Variants in ALPK1 observed in about 807,000 individuals in gnomAD.
The protein encoded by ALPK1 is alpha kinase 1.
A neutral mutation model predicts 120.6 loss-of-function variants in ALPK1; 110 were observed. That is an observed-to-expected ratio of 0.91 (90% CI 0.78 to 1.07). The LOEUF (loss-of-function observed/expected upper bound fraction) is 1.07, where lower values mean the gene tolerates loss of function less well. ALPK1 is among the 50% of genes least tolerant of loss of function. ALPK1 has a pLI of 0.00. For missense variants in ALPK1, 1,498 were observed against 1,483.9 expected (o/e 1.01, Z -0.16); for synonymous variants, 582 against 560.3 (o/e 1.04, Z -0.55).
At chr4:112,434,176 C>T (rs1425178354) in intron 11 of ALPK1, among the ~76,000 whole-genome samples, 1 of 152,184 alleles carries the variant, frequency 6.6e-6, no homozygotes, top group East Asian at 1.9e-4. Flanking sequence ...GGATGAAATA[C>T]ATTAGAGGAA....
chr4:112,430,520 C>T lies in ALPK1; in HGVS notation c.973C>T (p.Leu325=), dbSNP rs758803357. 17 of 1,614,094 alleles carry T rather than the reference C, an allele frequency of 1.1e-5. No homozygotes were observed. In the South Asian group the frequency reaches 1.8e-4, roughly 17 times the overall value. Residue 325 remains leucine (L), a synonymous_variant, in exon 11 of 16, where the codon CTG becomes TTG. Transcript: ENST00000650871. ...TCCTCCAGAATTGAAAAACTTACATCTGTGTGAAGCCAAAGAGGCCTTTGA... is the reference window on the plus strand; with the variant it reads ...TCCTCCAGAATTGAAAAACTTACATTTGTGTGAAGCCAAAGAGGCCTTTGA... The part of the protein sequence containing the change: ...DCPPELKNLH[L]CEAKEAFEIG...
intron 4 of ALPK1, chr4:112,383,003 C>A (rs1175294611): frequency 1.2e-5 from 2 of 170,322 alleles, no homozygotes; most frequent in African/African-American, 2.4e-5. Flanking sequence ...ACCTAGGGTC[C>A]TGTTGACTTT....
chr4:112,298,895 C>G (rs1381960466), intron 1 of ALPK1, among the ~76,000 whole-genome samples: 1 of 152,136 alleles, frequency 6.6e-6, no homozygotes, highest in Non-Finnish European at 1.5e-5. Context: ...TGATCCCTTT[C>G]CCATGAACAC....
intron 4 of ALPK1, among the ~76,000 whole-genome samples, chr4:112,409,962 C>A (rs554986606): frequency 6.6e-6 from 1 of 152,240 alleles, no homozygotes; most frequent in South Asian, 2.1e-4. Context: ...GTTTAAAAAT[C>A]TTAACATGTT....
At chr4:112,414,492 C>T (rs912333508) in intron 5 of ALPK1, 3 of 332,624 alleles carry the variant, frequency 9.0e-6, no homozygotes, top group African/African-American at 6.4e-5. Flanking sequence ...CCTGTAATCC[C>T]AGCTACTTAG....
chr4:112,390,582 C>G (rs1416704887), intron 4 of ALPK1, among the ~76,000 whole-genome samples: 1 of 151,936 alleles, frequency 6.6e-6, no homozygotes. Flanking sequence ...CAAAGAACAC[C>G]CTTGGATGGA....
chr4:112,352,752 G>A (rs934389177), intron 2 of ALPK1: 2 of 152,038 alleles, frequency 1.3e-5, no homozygotes, highest in African/African-American at 4.8e-5. Context: ...TATAATGTTT[G>A]TAAATTTTAC....
intron 2 of ALPK1, chr4:112,358,857 G>T (rs915504362): frequency 6.1e-5 from 48 of 786,928 alleles, no homozygotes; most frequent in Non-Finnish European, 9.4e-5. Context: ...GGACCACAAG[G>T]GTTCCGATGA....
In ALPK1 at chr4:112,425,676, T is replaced by A; in HGVS notation, c.547T>A (p.Tyr183Asn). ...ATCTTTTCTTTTAGGTACCTGGCTGTACAGAAATGAAAGTGACAAGGTCCT... is the reference window on the plus strand; with the variant it reads ...ATCTTTTCTTTTAGGTACCTGGCTGAACAGAAATGAAAGTGACAAGGTCCT... ...SNNGATGTWL[Y>N]RNESDKVLVQ... is the part of the protein sequence containing the mutation. The change falls in exon 7 of 16, where the codon TAC becomes AAC. Residue 183 changes from tyrosine (Y) to asparagine (N), a missense_variant. Physicochemically the swap from Tyr to Asn is moderately radical, Grantham distance 143 (BLOSUM62 -2). Coordinates refer to ENST00000650871, the MANE Select transcript of ALPK1 (RefSeq NM_025144.4). The A allele has an allele frequency of 6.2e-7, 1 of 1,612,908 alleles. No homozygotes were observed. The highest frequency in any genetic ancestry group is 8.5e-7 in the Non-Finnish European group (1 of 1,179,048).
chr4:112,356,653 C>A, intron 2 of ALPK1: 1 of 845,164 alleles, frequency 1.2e-6, no homozygotes, highest in Non-Finnish European at 2.0e-6. Flanking sequence ...GTCATTTCTA[C>A]AACAATGTAG....
chr4:112,351,914 A>G (rs547234263), intron 2 of ALPK1, among the ~76,000 whole-genome samples: 1 of 152,368 alleles, frequency 6.6e-6, no homozygotes, highest in South Asian at 2.1e-4. Context: ...GATCCCCAAC[A>G]TAAAATGAGG....
In ALPK1 at chr4:112,440,943, C is replaced by T. The variant is rs780850104; in HGVS notation, c.3565C>T (p.Leu1189Phe). The change falls in exon 15 of 16, where the codon CTC (leucine) becomes TTC (phenylalanine). Residue 1189 changes from leucine (L) to phenylalanine (F), a missense_variant. Transcript: ENST00000650871. ...QGWVTGNGKG[L>F]IYLTDPQIHS... ...TTGGGTAACCGGTAATGGAAAAGGA[C>T]TCATCTACCTCACAGATCCCCAGAT... 6.8e-6 allele frequency: 11 copies of T among 1,613,026 alleles called. No individual in the cohort carries two copies. The African/African-American group carries it at 1.1e-4, about 16-fold the overall frequency.
chr4:112,300,092 C>A (rs1210051697), intron 1 of ALPK1, among the ~76,000 whole-genome samples: 1 of 152,050 alleles, frequency 6.6e-6, no homozygotes, highest in Non-Finnish European at 1.5e-5. Flanking sequence ...GTCGTAATAA[C>A]AAATAATTGC....
At chr4:112,406,628 C>A (rs1038152604) in intron 4 of ALPK1, among the ~76,000 whole-genome samples, 6 of 152,176 alleles carry the variant, frequency 3.9e-5, no homozygotes, top group Non-Finnish European at 8.8e-5. Context: ...CAGAATTCCT[C>A]TTCCTCAAGG....
chr4:112,387,008 G>A (rs1205627527), intron 4 of ALPK1, among the ~76,000 whole-genome samples: 1 of 152,142 alleles, frequency 6.6e-6, no homozygotes. Flanking sequence ...GAACAGTAAG[G>A]CCCTTATAAA....
chr4:112,428,931 C>T (rs781438022), intron 9 of ALPK1, among the ~76,000 whole-genome samples: 3 of 152,194 alleles, frequency 2.0e-5, no homozygotes, highest in African/African-American at 7.2e-5. Context: ...AGAAGCTCAC[C>T]CAAATTATTT....
chr4:112,352,125 C>T (rs1347511255), intron 2 of ALPK1, among the ~76,000 whole-genome samples: 1 of 152,184 alleles, frequency 6.6e-6, no homozygotes, highest in African/African-American at 2.4e-5. Context: ...ATATTCATTA[C>T]CAACCCAATA....
intron 1 of ALPK1, among the ~76,000 whole-genome samples, chr4:112,309,563 T>C (rs1000633169): frequency 6.6e-6 from 1 of 152,048 alleles, no homozygotes; most frequent in Non-Finnish European, 1.5e-5. Flanking sequence ...TGGGATATAA[T>C]CTCCTCGTAT....
chr4:112,367,904 A>T (rs928310191), intron 2 of ALPK1, among the ~76,000 whole-genome samples: 3 of 151,448 alleles, frequency 2.0e-5, no homozygotes, highest in African/African-American at 4.9e-5. Flanking sequence ...AGAGCTAATT[A>T]TTTTTTTTTC....
Sources: gnomAD v4.1 joint callset for allele counts (sites outside exome capture counted in the v4.1 genomes callset) on GRCh38, gnomAD v4.1.1 for gene constraint, MANE v1.5 for transcripts, NCBI Gene and HGNC (gene_info 2026-07-23, HGNC 2026-07-21) for gene names.